The following ALKBH1 variants were observed in gnomAD, a reference collection of about 807,000 sequenced individuals.
The protein encoded by ALKBH1 is alkB homolog 1, histone H2A dioxygenase.
In ALKBH1, 31 loss-of-function variants were observed where a neutral mutation model predicts 36.6. That is an observed-to-expected ratio of 0.85 (90% CI 0.64 to 1.14). The LOEUF is 1.14. Among genes scored for constraint, ALKBH1 ranks in the 50% most tolerant of loss-of-function variants. The pLI, the probability that ALKBH1 is intolerant of heterozygous loss-of-function variation, is 0.00. For missense variants in ALKBH1, 490 were observed against 497.3 expected (o/e 0.99, Z 0.14); for synonymous variants, 183 against 186.6 (o/e 0.98, Z 0.16).
chr14:77,675,208 G>T (rs2080198186), intron 5 of ALKBH1, among the ~76,000 whole-genome samples: 1 of 151,956 alleles, frequency 6.6e-6, no homozygotes, highest in South Asian at 2.1e-4. Flanking sequence ...CGAAGTGGGC[G>T]GATTGCCTGA....
chr14:77,708,017 A>G lies in ALKBH1; in HGVS notation c.-13T>C, dbSNP rs200472878. Reference sequence around the variant, plus strand: ...CCATCTTCCCCATCTCGCGGCCTATACCCTCTGATCCGGAAGCAGATTCTC... The same window carrying G: ...CCATCTTCCCCATCTCGCGGCCTATGCCCTCTGATCCGGAAGCAGATTCTC... On this transcript the variant is annotated 5_prime_UTR_variant, in exon 1 of 6. Transcript: ENST00000216489. 1.2e-4 allele frequency: 186 copies of G among 1,609,632 alleles called. No homozygotes were observed. Among genetic ancestry groups the G allele is most frequent in the Middle Eastern group, 3.3e-4 (2 of 6,006 alleles).
intron 3 of ALKBH1, 131 bp downstream of exon 3, chr14:77,694,607 G>A (rs1314046588): frequency 1.6e-6 from 1 of 612,310 alleles, no homozygotes; most frequent in Non-Finnish European, 2.6e-6. Flanking sequence ...TGCTGTTTTT[G>A]CTTGGAAACA....
intron 4 of ALKBH1, among the ~76,000 whole-genome samples, chr14:77,678,187 C>A (rs2080216572): frequency 3.3e-5 from 5 of 149,870 alleles, no homozygotes; most frequent in Admixed American, 2.7e-4. Flanking sequence ...AGGCACTGAT[C>A]ACTTAATTTT....
At chr14:77,699,079 G>A (rs1190240739) in intron 2 of ALKBH1, among the ~76,000 whole-genome samples, 10 of 152,134 alleles carry the variant, frequency 6.6e-5, no homozygotes, top group African/African-American at 4.8e-5. Context: ...GCCCTTATTC[G>A]GTCTCTTTAG....
chr14:77,683,603 G>T, intron 3 of ALKBH1: 1 of 394,640 alleles, frequency 2.5e-6, no homozygotes. Context: ...ATGCAGTCTT[G>T]CTCTGTCACC....
At chr14:77,705,796 T>G (rs1485906888) in intron 1 of ALKBH1, among the ~76,000 whole-genome samples, 2 of 152,172 alleles carry the variant, frequency 1.3e-5, no homozygotes, top group Non-Finnish European at 2.9e-5. Context: ...GGCTCACACC[T>G]GTAATTCCAA....
chr14:77,686,141 C>A (rs1476918687), intron 3 of ALKBH1, among the ~76,000 whole-genome samples: 1 of 152,096 alleles, frequency 6.6e-6, no homozygotes, highest in African/African-American at 2.4e-5. Context: ...ATTTAAGGAC[C>A]CTTCTGGTTA....
intron 1 of ALKBH1, among the ~76,000 whole-genome samples, chr14:77,707,485 G>C (rs1018637819): frequency 6.6e-6 from 1 of 152,224 alleles, no homozygotes; most frequent in East Asian, 1.9e-4. Flanking sequence ...TTAAGCTGCA[G>C]AAGTCTACCC....
intron 4 of ALKBH1, 148 bp from the exon 5 acceptor site, chr14:77,675,997 T>TA: frequency 1.7e-5 from 12 of 718,762 alleles, no homozygotes; most frequent in Non-Finnish European, 2.6e-5. Context: ...TCTTTTCTTT[T>TA]CTTTTTTTTT....
At chr14:77,689,248 C>A (rs1402351677) in intron 3 of ALKBH1, among the ~76,000 whole-genome samples, 1 of 152,166 alleles carries the variant, frequency 6.6e-6, no homozygotes, top group Non-Finnish European at 1.5e-5. Flanking sequence ...CCAGCCATTT[C>A]CTATATCGTG....
chr14:77,695,834 C>G (rs889912595), intron 2 of ALKBH1, among the ~76,000 whole-genome samples: 1 of 152,200 alleles, frequency 6.6e-6, no homozygotes, highest in Non-Finnish European at 1.5e-5. Flanking sequence ...GTGGCTCTCG[C>G]CTGTAATCCC....
At chr14:77,707,379 G>C (rs2080400164) in intron 1 of ALKBH1, among the ~76,000 whole-genome samples, 1 of 152,200 alleles carries the variant, frequency 6.6e-6, no homozygotes, top group South Asian at 2.1e-4. Flanking sequence ...TTCTAAAAGA[G>C]CCAGAGGAGA....
Position 77,675,752 on chromosome 14 carries a change from T to C in ALKBH1, c.644A>G (p.Glu215Gly). 1 of 1,614,130 alleles carries C rather than the reference T, an allele frequency of 6.2e-7. No homozygotes were observed. ...AACGFEDFRA[E>G]AGILNYYRLD... The stretch of plus-strand genomic sequence containing the variant: ...GCGGTAGTAATTCAGGATCCCTGCT[T>C]CAGCTCGGAAATCCTCAAATCCACA... Residue 215 changes from glutamate (E) to glycine (G), a missense_variant, in exon 5 of 6, where the codon GAA (glutamate) becomes GGA (glycine). Physicochemically the swap from Glu to Gly is moderately conservative, Grantham distance 98. Transcript: ENST00000216489.
chr14:77,698,298 GA>G (rs1173208872), intron 2 of ALKBH1, among the ~76,000 whole-genome samples: 1 of 152,206 alleles, frequency 6.6e-6, no homozygotes, highest in African/African-American at 2.4e-5. Context: ...AGAGGTTTAA[GA>G]AGGTGAGATG....
chr14:77,675,420 C>T (rs571282270), intron 5 of ALKBH1, among the ~76,000 whole-genome samples: 17 of 148,940 alleles, frequency 1.1e-4, no homozygotes, highest in African/African-American at 3.7e-4. Context: ...GGTGACAGAG[C>T]GAGACTCTGT....
chr14:77,696,773 T>G (rs1595057077), intron 2 of ALKBH1: 2 of 152,494 alleles, frequency 1.3e-5, no homozygotes, highest in South Asian at 2.1e-4. Context: ...CCAAATACGC[T>G]GACAGATGAG....
intron 2 of ALKBH1, among the ~76,000 whole-genome samples, chr14:77,699,702 T>C (rs1244845067): frequency 6.6e-6 from 1 of 152,144 alleles, no homozygotes; most frequent in African/African-American, 2.4e-5. Context: ...TTTGCGGCCA[T>C]GGAACAAGCA....
Position 77,707,804 on chromosome 14 carries a change from C to A in ALKBH1, c.183+18G>T. On this transcript the variant is annotated intron_variant, in intron 1 of 5. Coordinates refer to ENST00000216489, the MANE Select transcript of ALKBH1 (RefSeq NM_006020.3). ...GGGCAAAGCGATGGAGAGACGCGCGCCACTCCTCTCTCTGTACCTTTTGGG... is the reference window on the plus strand; with the variant it reads ...GGGCAAAGCGATGGAGAGACGCGCGACACTCCTCTCTCTGTACCTTTTGGG... The A allele has an allele frequency of 6.4e-7, 1 of 1,571,872 alleles. No individual in the cohort carries two copies. The highest frequency in any genetic ancestry group is 8.6e-7 in the Non-Finnish European group (1 of 1,157,218).
chr14:77,684,743 T>C (rs928673945), intron 3 of ALKBH1, among the ~76,000 whole-genome samples: 1 of 152,174 alleles, frequency 6.6e-6, no homozygotes, highest in Admixed American at 6.5e-5. Context: ...AGACGGGGTC[T>C]CTCTATGTTG....
Sources: allele counts gnomAD v4.1 joint callset (sites outside exome capture counted in the v4.1 genomes callset), GRCh38; gene constraint gnomAD v4.1.1; transcripts MANE v1.5; gene names NCBI Gene and HGNC (gene_info 2026-07-23, HGNC 2026-07-21).